Variants in DLGAP2 observed in about 807,000 individuals in gnomAD.
The protein encoded by DLGAP2 is disks large-associated protein 2.
DLGAP2 carries 26 observed loss-of-function variants against 100.3 expected under a neutral mutation model. The observed-to-expected ratio is 0.26, with a 90% CI of 0.19 to 0.36. The LOEUF (loss-of-function observed/expected upper bound fraction) is 0.36. DLGAP2 is among the 10% of genes least tolerant of loss of function. The pLI, the probability that DLGAP2 is intolerant of heterozygous loss-of-function variation, is 1.00. For missense variants in DLGAP2, 1,858 were observed against 1,453.2 expected, an observed-to-expected ratio of 1.28 and a Z score of -4.53; for synonymous variants, 886 against 630.1, an observed-to-expected ratio of 1.41 and a Z score of -6.08.
intron 3 of DLGAP2, among the ~76,000 whole-genome samples, chr8:1,410,307 C>T (rs1377482329): frequency 7.2e-5 from 11 of 152,198 alleles, no homozygotes; most frequent in African/African-American, 7.2e-5. Context: ...GTAACATTCA[C>T]GGGCATGGCT....
At chr8:1,626,656 G>A in intron 6 of DLGAP2, 84 bp from the exon 7 acceptor site, 2 of 1,517,470 alleles carry the variant, frequency 1.3e-6, no homozygotes, top group Middle Eastern at 1.7e-4. Flanking sequence ...CTCAGCCTCT[G>A]GGTGTGGGTT....
intron 4 of DLGAP2, among the ~76,000 whole-genome samples, chr8:1,503,114 C>T (rs1382351937): frequency 6.6e-6 from 1 of 152,126 alleles, no homozygotes; most frequent in Admixed American, 6.5e-5. Flanking sequence ...ACATGGGTGG[C>T]TTGGTGAAGG....
At chr8:1,039,834 C>T (rs1179259312) in intron 2 of DLGAP2, among the ~76,000 whole-genome samples, 1 of 143,650 alleles carries the variant, frequency 7.0e-6, no homozygotes, top group South Asian at 2.3e-4. Flanking sequence ...ATGGTCGGCT[C>T]GGTGTGCATG....
chr8:1,223,126 G>C (rs1354805072), intron 2 of DLGAP2, among the ~76,000 whole-genome samples: 1 of 152,180 alleles, frequency 6.6e-6, no homozygotes, highest in Non-Finnish European at 1.5e-5. Flanking sequence ...CATGTGAAGA[G>C]TGGGCCACTC....
intron 3 of DLGAP2, among the ~76,000 whole-genome samples, chr8:1,351,993 T>C (rs192279588): frequency 3.3e-5 from 2 of 60,580 alleles, no homozygotes; most frequent in African/African-American, 4.5e-5. Flanking sequence ...GGGTCCTGAC[T>C]GTGTGTGGAA....
intron 2 of DLGAP2, among the ~76,000 whole-genome samples, chr8:926,334 TC>T (rs2129002401): frequency 6.6e-6 from 1 of 152,202 alleles, no homozygotes; most frequent in African/African-American, 2.4e-5. Flanking sequence ...CAGTGAGGGC[TC>T]CCCGTGTTGG....
At chr8:1,302,626 G>A (rs1563071565) in intron 3 of DLGAP2, 1 of 152,328 alleles carries the variant, frequency 6.6e-6, no homozygotes, top group African/African-American at 2.4e-5. Flanking sequence ...CCCGAGCCCT[G>A]CTCCATACCC....
At chr8:772,015 G>T (rs996660546) in intron 1 of DLGAP2, among the ~76,000 whole-genome samples, 1 of 152,038 alleles carries the variant, frequency 6.6e-6, no homozygotes, top group Non-Finnish European at 1.5e-5. Context: ...CGATCCTCTT[G>T]CCTCAGCCTC....
intron 3 of DLGAP2, among the ~76,000 whole-genome samples, chr8:1,439,794 G>A (rs1422357058): frequency 1.3e-5 from 2 of 152,152 alleles, no homozygotes. Flanking sequence ...TGAGCCACGT[G>A]TGCACACAGG....
chr8:820,599 A>AT (rs1017197356), intron 1 of DLGAP2, among the ~76,000 whole-genome samples: 3 of 152,158 alleles, frequency 2.0e-5, no homozygotes, highest in Non-Finnish European at 4.4e-5. Flanking sequence ...GTGAGAAACT[A>AT]TTTTTTTCCA....
In DLGAP2 at chr8:1,682,807, T is replaced by C. The variant is rs561702862; in HGVS notation, c.2704+4178T>C. 2.6e-5 allele frequency among the ~76,000 whole-genome samples: 4 copies of C among 151,844 alleles called. No individual in the cohort carries two copies. The South Asian group carries it at 6.2e-4, about 24-fold the overall frequency. ...TAGTATTTCAGTGTCACTTACCTTA[T>C]TATTAGGCATCTGAAAAACTATTTT... On this transcript the variant is annotated intron_variant, in intron 12 of 14. Coordinates refer to ENST00000637795, the MANE Select transcript of DLGAP2 (RefSeq NM_001346810.2).
intron 2 of DLGAP2, among the ~76,000 whole-genome samples, chr8:1,054,215 C>T (rs1483083865): frequency 1.3e-5 from 2 of 152,148 alleles, no homozygotes; most frequent in East Asian, 3.9e-4. Context: ...GATCCACACG[C>T]ATGCGCACAC....
chr8:1,630,391 C>G (rs559764495), intron 7 of DLGAP2, among the ~76,000 whole-genome samples: 1 of 152,246 alleles, frequency 6.6e-6, no homozygotes, highest in South Asian at 2.1e-4. Context: ...AATTTGGTGA[C>G]AAACCAAAGT....
At chr8:1,642,198 T>C (rs1374294369) in intron 8 of DLGAP2, among the ~76,000 whole-genome samples, 1 of 39,142 alleles carries the variant, frequency 2.6e-5, no homozygotes, top group East Asian at 8.7e-4. Flanking sequence ...CCGCCGGTCC[T>C]CACCTGTGTC....
intron 3 of DLGAP2, among the ~76,000 whole-genome samples, chr8:1,290,905 T>C (rs1462406944): frequency 1.3e-5 from 2 of 152,214 alleles, no homozygotes; most frequent in African/African-American, 4.8e-5. Context: ...GAACTATTTT[T>C]AGTGTACCGT....
At chr8:1,649,042 G>A (rs2130806771) in intron 8 of DLGAP2, among the ~76,000 whole-genome samples, 1 of 152,166 alleles carries the variant, frequency 6.6e-6, no homozygotes, top group East Asian at 1.9e-4. Flanking sequence ...GTCCGGAGGG[G>A]CCCAAAAAAT....
At chr8:954,899 G>A (rs7817168) in intron 2 of DLGAP2, among the ~76,000 whole-genome samples, 64,948 of 151,948 alleles carry the variant, frequency 0.43, 14,300 homozygotes, top group Admixed American at 0.53. Context: ...TCTAATATTT[G>A]ACTAAATTAG....
intron 3 of DLGAP2, among the ~76,000 whole-genome samples, chr8:1,432,171 A>G (rs1204113417): frequency 6.6e-6 from 1 of 152,224 alleles, no homozygotes; most frequent in Non-Finnish European, 1.5e-5. Context: ...ATAAGGAAAC[A>G]AGTGTTTCTC....
chr8:763,596 T>G (rs994027493), intron 1 of DLGAP2, among the ~76,000 whole-genome samples: 1 of 152,134 alleles, frequency 6.6e-6, no homozygotes, highest in African/African-American at 2.4e-5. Context: ...AAACACATGA[T>G]GAGTGGCAGA....
Sources: gnomAD v4.1 joint callset for allele counts (sites outside exome capture counted in the v4.1 genomes callset) on GRCh38, gnomAD v4.1.1 for gene constraint, MANE v1.5 for transcripts, NCBI Gene and HGNC (gene_info 2026-07-23, HGNC 2026-07-21) for gene names.